SNX29: variants seen among roughly 807,000 people sequenced by gnomAD.
SNX29 encodes sorting nexin 29.
Under a neutral mutation model 102.1 loss-of-function variants are expected in SNX29, and 78 were observed. That is an observed-to-expected ratio of 0.76 (90% confidence interval 0.64 to 0.92). The LOEUF is 0.92. Among genes scored for constraint, SNX29 ranks in the 40% least tolerant of loss-of-function variants. The pLI is 0.00. For missense variants in SNX29, 1,280 were observed against 1,061.7 expected, an observed-to-expected ratio of 1.21 and a Z score of -2.86; for synonymous variants, 580 against 414.5, an observed-to-expected ratio of 1.40 and a Z score of -4.85.
chr16:12,539,569 G>A (rs1184775640), intron 20 of SNX29, among the ~76,000 whole-genome samples: 1 of 152,170 alleles, frequency 6.6e-6, no homozygotes, highest in Non-Finnish European at 1.5e-5. Flanking sequence ...CTTTTTGTGT[G>A]AACAAAAGTT....
chr16:12,324,586 T>A (rs918812243), intron 15 of SNX29, among the ~76,000 whole-genome samples: 4 of 152,132 alleles, frequency 2.6e-5, no homozygotes, highest in Non-Finnish European at 2.9e-5. Context: ...TTTTCTTTTT[T>A]AAAATTGTAC....
At chr16:12,539,883 G>A (rs943763193) in intron 20 of SNX29, among the ~76,000 whole-genome samples, 9 of 152,186 alleles carry the variant, frequency 5.9e-5, no homozygotes, top group African/African-American at 1.7e-4. Context: ...TAGAAACTAG[G>A]CTGTTTGTGG....
chr16:12,564,635 T>TCC (rs145005959), intron 20 of SNX29, among the ~76,000 whole-genome samples: 6,258 of 152,096 alleles, frequency 0.041, 440 homozygotes, highest in African/African-American at 0.14. Flanking sequence ...ATTAACAGAG[T>TCC]CCCTGCTGGG....
intron 11 of SNX29, among the ~76,000 whole-genome samples, chr16:12,102,902 T>A (rs929761352): frequency 1.3e-5 from 2 of 152,128 alleles, no homozygotes; most frequent in Non-Finnish European, 2.9e-5. Flanking sequence ...TCACAAGCAT[T>A]CCTATACACT....
intron 18 of SNX29, among the ~76,000 whole-genome samples, chr16:12,405,150 G>T (rs1369279279): frequency 6.6e-6 from 1 of 152,202 alleles, no homozygotes; most frequent in African/African-American, 2.4e-5. Context: ...AGAGCTGGAA[G>T]GTGCAGCCTG....
At chr16:12,129,997 G>C (rs1704107) in intron 13 of SNX29, among the ~76,000 whole-genome samples, 30,533 of 151,282 alleles carry the variant, frequency 0.2, 3,791 homozygotes, top group African/African-American at 0.36. Flanking sequence ...CCAGCTACTT[G>C]GGAGGCTGAG....
At position 12,360,870 on chromosome 16, in the gene SNX29, C is replaced by G. The variant is rs533138594; in HGVS notation, c.1899+4591C>G. Among the ~76,000 whole-genome samples the G allele has an allele frequency of 3.3e-5, 5 of 152,306 alleles. No individual in the cohort carries two copies. In the East Asian group the frequency reaches 9.6e-4, roughly 29 times the overall value. ...TCCATTTTACAGGTTTACTGAGGTTCAGAGAAGCCTCCAGTCATTCTGTGA... is the reference window on the plus strand; with the variant it reads ...TCCATTTTACAGGTTTACTGAGGTTGAGAGAAGCCTCCAGTCATTCTGTGA... On this transcript the variant is annotated intron_variant, in intron 16 of 20. Coordinates refer to ENST00000566228, the MANE Select transcript of SNX29 (RefSeq NM_032167.5).
Position 12,572,777 on chromosome 16 carries a change from A to AC in SNX29, c.*4150dup, listed in dbSNP as rs1296544858. The stretch of plus-strand genomic sequence containing the variant: ...GCTTCTGGGACCCGAGGAAGACCCC[A>AC]CCTCACTCCTCCTTCCCCAGTACAT... On this transcript the variant is annotated 3_prime_UTR_variant, in exon 21 of 21. Coordinates refer to ENST00000566228, the MANE Select transcript of SNX29 (RefSeq NM_032167.5). 38 of 1,063,440 alleles carry AC rather than the reference A, an allele frequency of 3.6e-5. No individual in the cohort carries two copies. The highest frequency in any genetic ancestry group is 4.1e-4 in the Middle Eastern group (1 of 2,410). 65.9% of individuals were successfully genotyped at this position (1,063,440 alleles called of 1,614,324 possible).
chr16:12,354,543 C>G (rs944105163), intron 15 of SNX29, among the ~76,000 whole-genome samples: 1 of 152,200 alleles, frequency 6.6e-6, no homozygotes, highest in Non-Finnish European at 1.5e-5. Context: ...ACACAAAACC[C>G]TGCTTGGCTT....
At chr16:12,498,899 C>T (rs148826881) in intron 19 of SNX29, among the ~76,000 whole-genome samples, 1 of 152,286 alleles carries the variant, frequency 6.6e-6, no homozygotes, top group Non-Finnish European at 1.5e-5. Flanking sequence ...CAGAAGCTAG[C>T]AGTGAACTAT....
intron 20 of SNX29, chr16:12,560,911 T>C (rs1403305471): frequency 1.0e-5 from 2 of 197,422 alleles, no homozygotes; most frequent in African/African-American, 4.6e-5. Context: ...TTAATCCTTT[T>C]AAAATAAAGT....
At chr16:12,329,347 C>T (rs1003633587) in intron 15 of SNX29, among the ~76,000 whole-genome samples, 3 of 149,540 alleles carry the variant, frequency 2.0e-5, no homozygotes, top group African/African-American at 7.4e-5. Context: ...AGCTTAGCAA[C>T]TGTAGGCAAA....
At chr16:12,330,664 G>C (rs2081267928) in intron 15 of SNX29, among the ~76,000 whole-genome samples, 1 of 152,208 alleles carries the variant, frequency 6.6e-6, no homozygotes, top group South Asian at 2.1e-4. Flanking sequence ...CTGGACCCCA[G>C]AGCCCTGGTT....
chr16:12,152,489 A>C (rs1196602872), intron 13 of SNX29, among the ~76,000 whole-genome samples: 3 of 152,144 alleles, frequency 2.0e-5, no homozygotes, highest in African/African-American at 7.2e-5. Flanking sequence ...GGGTCTTTGG[A>C]AACCCTGCCC....
rs1296569525 is a variant in SNX29 at position 12,477,741 on chromosome 16, A to G, written c.2060A>G (p.Asp687Gly). ...CAGGTCTACATCCGGATAAAAGACG[A>G]TGAATGGAATATTTATCGCCGGTAT... ...VYQVYIRIKD[D>G]EWNIYRRYTE... The change falls in exon 19 of 21, where the codon GAT (aspartate) becomes GGT (glycine). Residue 687 changes from aspartate (D) to glycine (G), a missense_variant. By Grantham distance (94) the Asp-to-Gly change is moderately conservative (BLOSUM62 -1). Coordinates refer to ENST00000566228, the MANE Select transcript of SNX29 (RefSeq NM_032167.5). The G allele has an allele frequency of 1.2e-6, 2 of 1,612,430 alleles. No individual in the cohort carries two copies. The highest frequency in any genetic ancestry group is 1.7e-6 in the Non-Finnish European group (2 of 1,179,518).
At chr16:12,214,032 T>A (rs766447361) in intron 14 of SNX29, among the ~76,000 whole-genome samples, 1 of 152,162 alleles carries the variant, frequency 6.6e-6, no homozygotes, top group Non-Finnish European at 1.5e-5. Flanking sequence ...TGTTGGGTCA[T>A]AGCTGCAAGA....
rs139513244 is a variant in SNX29, at chr16:12,553,195, G to A, written c.2319-15311G>A. On this transcript the variant is annotated intron_variant, in intron 20 of 20. Coordinates refer to ENST00000566228, the MANE Select transcript of SNX29 (RefSeq NM_032167.5). ...ATCTTTAAGTCAGTATACAGCTGCAGTTATTTCCAGTAGCCATGCTCGCAG... is the reference window on the plus strand; with the variant it reads ...ATCTTTAAGTCAGTATACAGCTGCAATTATTTCCAGTAGCCATGCTCGCAG... Among the ~76,000 whole-genome samples, 375 of 152,300 alleles carry A rather than the reference G, an allele frequency of 2.5e-3. 4 individuals are homozygous for A. Among genetic ancestry groups the A allele is most frequent in the African/African-American group, 8.2e-3 (339 of 41,560 alleles).
chr16:12,126,796 C>A, intron 12 of SNX29, 100 bp downstream of exon 12: 2 of 1,324,028 alleles, frequency 1.5e-6, no homozygotes, highest in Admixed American at 2.0e-5. Flanking sequence ...GCTTTCTTGG[C>A]AAAAATTGTG....
intron 14 of SNX29, among the ~76,000 whole-genome samples, chr16:12,253,190 C>T (rs962767974): frequency 4.6e-5 from 7 of 152,172 alleles, no homozygotes; most frequent in African/African-American, 1.7e-4. Context: ...GACAGTCATT[C>T]GGGCCATTAC....
Sources: gnomAD v4.1 joint callset for allele counts (sites outside exome capture counted in the v4.1 genomes callset) on GRCh38, gnomAD v4.1.1 for gene constraint, MANE v1.5 for transcripts, NCBI Gene and HGNC (gene_info 2026-07-23, HGNC 2026-07-21) for gene names.